The following COP1 variants were observed in gnomAD, a reference collection of about 807,000 sequenced individuals.
COP1 encodes COP1 E3 ubiquitin ligase.
COP1 carries 24 observed loss-of-function variants against 101.3 expected under a neutral mutation model. That is an observed-to-expected ratio of 0.24 (90% CI 0.17 to 0.33). COP1 has a LOEUF of 0.33. Among genes scored for constraint, COP1 ranks in the 10% least tolerant of loss-of-function variants. COP1 has a pLI of 1.00. For missense variants in COP1, 663 were observed against 906.2 expected (o/e 0.73, Z 3.45); for synonymous variants, 347 against 341.9 (o/e 1.01, Z -0.17).
chr1:176,060,774 A>G (rs1674703997), intron 11 of COP1, among the ~76,000 whole-genome samples: 1 of 152,208 alleles, frequency 6.6e-6, no homozygotes, highest in Non-Finnish European at 1.5e-5. Context: ...TTCATCATGT[A>G]TATTTAAAAA....
intron 9 of COP1, among the ~76,000 whole-genome samples, chr1:176,102,173 G>T (rs1683525713): frequency 6.6e-6 from 1 of 152,122 alleles, no homozygotes; most frequent in South Asian, 2.1e-4. Flanking sequence ...GGTCTCTCTT[G>T]TCCCTGGGTG....
At chr1:176,112,891 G>A (rs1369107392) in intron 9 of COP1, among the ~76,000 whole-genome samples, 4 of 152,082 alleles carry the variant, frequency 2.6e-5, no homozygotes, top group Admixed American at 6.5e-5. Flanking sequence ...CAAATGACAG[G>A]ATTTCATTCT....
In COP1 at chr1:176,063,207, C is replaced by A. The variant is rs577756667; in HGVS notation, c.1278-16883G>T. 5.7e-4 allele frequency among the ~76,000 whole-genome samples: 86 copies of A among 151,674 alleles called. 1 individual carries two copies. The highest frequency in any genetic ancestry group is 1.9e-4 in the Non-Finnish European group (13 of 67,894). On this transcript the variant is annotated intron_variant, in intron 11 of 19. Transcript: ENST00000367669. ...CCCGAGTAGCTGGGACTACAGGCGC[C>A]CGCCACCGCGCCTGGCTAATTTTTT... is the stretch of plus-strand genomic sequence containing the variant.
rs1251652086 is a variant in COP1 at position 176,027,665 on chromosome 1, C to T, written c.1636G>A (p.Asp546Asn). Residue 546 changes from aspartate to asparagine, a missense_variant, in exon 15 of 20, where the codon GAC (aspartate) becomes AAC (asparagine). Transcript: ENST00000367669. ...GCCTCAATGCTTGCCACTGAGTTGTCTAGATTGGTAGACCACAGCTTCACT... is the reference window on the plus strand; with the variant it reads ...GCCTCAATGCTTGCCACTGAGTTGTTTAGATTGGTAGACCACAGCTTCACT... Reference protein sequence around the residue: ...AKVKLWSTNLDNSVASIEAKA... With the variant: ...AKVKLWSTNLNNSVASIEAKA... 2 of 1,612,264 alleles carry T rather than the reference C, an allele frequency of 1.2e-6. No homozygotes were observed. The highest frequency in any genetic ancestry group is 1.7e-6 in the Non-Finnish European group (2 of 1,178,492).
At chr1:176,036,109 T>C (rs1367505267) in intron 14 of COP1, among the ~76,000 whole-genome samples, 1 of 151,980 alleles carries the variant, frequency 6.6e-6, no homozygotes, top group Non-Finnish European at 1.5e-5. Context: ...GCAAATATAA[T>C]AGTAAATAGT....
intron 1 of COP1, 87 bp downstream of exon 1, chr1:176,206,485 C>T: frequency 6.7e-7 from 1 of 1,497,926 alleles, no homozygotes; most frequent in South Asian, 1.2e-5. Context: ...TCCAACAAGC[C>T]ACCCCCACAC....
At chr1:176,121,513 TTTTTTA>T (rs1349761198) in intron 8 of COP1, among the ~76,000 whole-genome samples, 1 of 151,692 alleles carries the variant, frequency 6.6e-6, no homozygotes, top group African/African-American at 2.4e-5. Context: ...TTAAATGTCG[TTTTTTA>T]TTTTTATGTT....
intron 5 of COP1, among the ~76,000 whole-genome samples, chr1:176,159,063 C>T (rs1400730447): frequency 6.6e-6 from 1 of 152,126 alleles, no homozygotes; most frequent in African/African-American, 2.4e-5. Flanking sequence ...GATGAACCAA[C>T]AAAGCATCTA....
At chr1:176,005,825 G>A (rs373372857) in intron 15 of COP1, among the ~76,000 whole-genome samples, 5 of 152,088 alleles carry the variant, frequency 3.3e-5, no homozygotes, top group African/African-American at 4.8e-5. Flanking sequence ...TGCATATTCT[G>A]TTGATTTGGG....
At chr1:175,972,116 TAAC>T (rs560198084) in intron 18 of COP1, among the ~76,000 whole-genome samples, 20 of 152,006 alleles carry the variant, frequency 1.3e-4, no homozygotes, top group African/African-American at 3.1e-4. Context: ...ATGTAACCCA[TAAC>T]AACAACAACA....
intron 18 of COP1, among the ~76,000 whole-genome samples, chr1:175,984,615 G>A (rs577356711): frequency 9.2e-5 from 14 of 152,240 alleles, no homozygotes; most frequent in South Asian, 8.3e-4. Flanking sequence ...CCCCAAAATG[G>A]TAGATCCACT....
At chr1:175,945,205 A>G (rs368579580) in intron 19 of COP1, 35 bp from the exon 20 acceptor site, 2 of 1,447,192 alleles carry the variant, frequency 1.4e-6, no homozygotes, top group Admixed American at 2.0e-5. Flanking sequence ...ATTTAATAAA[A>G]TCATTTAAGA....
chr1:176,025,734 AC>A (rs1477469034), intron 15 of COP1, among the ~76,000 whole-genome samples: 1 of 151,990 alleles, frequency 6.6e-6, no homozygotes, highest in Non-Finnish European at 1.5e-5. Context: ...TACGAAAAAT[AC>A]AAAAATTAGC....
At chr1:176,037,966 A>G (rs951952034) in intron 14 of COP1, among the ~76,000 whole-genome samples, 1 of 152,206 alleles carries the variant, frequency 6.6e-6, no homozygotes, top group African/African-American at 2.4e-5. Context: ...AACGGGAAAG[A>G]AAGGCATACA....
chr1:176,079,436 C>G (rs1311089645), intron 11 of COP1, among the ~76,000 whole-genome samples: 2 of 151,962 alleles, frequency 1.3e-5, no homozygotes, highest in South Asian at 4.1e-4. Flanking sequence ...ACTGAAGACA[C>G]ATGAATGTAA....
intron 11 of COP1, among the ~76,000 whole-genome samples, chr1:176,064,227 A>G (rs181276382): frequency 5.3e-5 from 8 of 152,320 alleles, no homozygotes; most frequent in Admixed American, 4.6e-4. Flanking sequence ...GTAAAGTTTG[A>G]AAACTTACAA....
rs1219828392 is a variant in COP1 at position 176,154,126 on chromosome 1, C to A, written c.763-5052G>T. Among the ~76,000 whole-genome samples the A allele has an allele frequency of 5.3e-5, 8 of 152,200 alleles. No individual in the cohort carries two copies. In the East Asian group the frequency reaches 1.5e-3, roughly 29 times the overall value. On this transcript the variant is annotated intron_variant, in intron 5 of 19. Coordinates refer to ENST00000367669, the MANE Select transcript of COP1 (RefSeq NM_022457.7). ...CTCACAGAATACTTAGGGAGGAGTGCCTCTTCCTCAATTTTTTGGAATAGT... is the reference window on the plus strand; with the variant it reads ...CTCACAGAATACTTAGGGAGGAGTGACTCTTCCTCAATTTTTTGGAATAGT...
chr1:176,095,616 T>C (rs1267579303), intron 9 of COP1, among the ~76,000 whole-genome samples: 3 of 151,940 alleles, frequency 2.0e-5, no homozygotes, highest in African/African-American at 7.2e-5. Flanking sequence ...CAGGAGGTAG[T>C]TGCAGTGAGC....
At chr1:176,206,409 G>T in intron 1 of COP1, 163 bp downstream of exon 1, 1 of 713,030 alleles carries the variant, frequency 1.4e-6, no homozygotes, top group Non-Finnish European at 2.2e-6. Context: ...CCAACCAGGA[G>T]CTCGAATGCC....
Sources: allele counts gnomAD v4.1 joint callset (sites outside exome capture counted in the v4.1 genomes callset), GRCh38; gene constraint gnomAD v4.1.1; transcripts MANE v1.5; gene names NCBI Gene and HGNC (gene_info 2026-07-23, HGNC 2026-07-21).